The following SH2D3A variants were observed in gnomAD, a reference collection of about 807,000 sequenced individuals.
The protein encoded by SH2D3A is SH2 domain containing 3A, also known as SH2 domain-containing protein 3A.
A neutral mutation model predicts 50.6 loss-of-function variants in SH2D3A; 46 were observed. That is an observed-to-expected ratio of 0.91 (90% CI 0.72 to 1.16). The LOEUF is 1.16. Among genes scored for constraint, SH2D3A ranks in the 50% most tolerant of loss-of-function variants. The pLI is 0.00. For synonymous variants in SH2D3A, 377 were observed against 348.4 expected (o/e 1.08, Z -0.91); for missense variants, 783 against 786.2 (o/e 1.00, Z 0.05).
In SH2D3A at chr19:6,760,928, A is replaced by G. The variant is rs755569404; in HGVS notation, c.129T>C (p.Arg43=). ...GGCAGGAGATCACGGGGTTGCCCCC[A>G]CGGGACCCAGAGGCGCGAACCAGGA... ...GDFLVRASGS[R]GGNPVISCRW... is the part of the protein sequence containing the mutation. Residue 43 remains arginine (R), a synonymous_variant, in exon 3 of 10, where the codon CGT becomes CGC. Coordinates refer to ENST00000245908, the MANE Select transcript of SH2D3A (RefSeq NM_005490.3). 1.9e-6 allele frequency: 3 copies of G among 1,613,894 alleles called. No homozygotes were observed. Among genetic ancestry groups the G allele is most frequent in the Non-Finnish European group, 2.5e-6 (3 of 1,179,968 alleles).
At chr19:6,753,759 G>A (rs1188701140) in intron 8 of SH2D3A, 118 bp from the exon 9 acceptor site, 1 of 1,140,986 alleles carries the variant, frequency 8.8e-7, no homozygotes. Flanking sequence ...GGGGTCTGTG[G>A]AGAGGGGCCA....
Position 6,755,318 on chromosome 19 carries a change from A to G in SH2D3A, c.497-3T>C. 1 of 1,504,910 alleles carries G rather than the reference A, an allele frequency of 6.6e-7. No individual in the cohort carries two copies. The highest frequency in any genetic ancestry group is 8.9e-7 in the Non-Finnish European group (1 of 1,126,220). The allele number at this position is 1,504,910 out of a possible 1,614,324, so 93.2% of individuals were successfully genotyped here. A position where few individuals can be genotyped will look rare whatever the true frequency, so the allele number is the denominator to read the frequency against. On this transcript the variant is annotated splice_region_variant and splice_polypyrimidine_tract_variant and intron_variant, in intron 4 of 9. Coordinates refer to ENST00000245908, the MANE Select transcript of SH2D3A (RefSeq NM_005490.3). Reference sequence around the variant, plus strand: ...AGATATGGGCATGGTGGAGGCTTCTAGAGGTCATACAAGAGGGGTCAATGG... The same window carrying G: ...AGATATGGGCATGGTGGAGGCTTCTGGAGGTCATACAAGAGGGGTCAATGG...
chr19:6,755,243 G>A lies in SH2D3A; in HGVS notation c.569C>T (p.Pro190Leu). 1 of 1,533,134 alleles carries A rather than the reference G, an allele frequency of 6.5e-7. No homozygotes were observed. Among genetic ancestry groups the A allele is most frequent in the Non-Finnish European group, 8.8e-7 (1 of 1,140,348 alleles). 95.0% of individuals were successfully genotyped at this position (1,533,134 alleles called of 1,614,324 possible). Residue 190 changes from proline (P) to leucine (L), a missense_variant, in exon 5 of 10, where the codon CCC becomes CTC. Physicochemically the swap from Pro to Leu is moderately conservative, Grantham distance 98. Transcript: ENST00000245908. Reference sequence around the variant, plus strand: ...GAGACTGTCGGCAACAGTTCCCAGGGGAGCAGGGGCCTTCAGCAACACCGG... The same window carrying A: ...GAGACTGTCGGCAACAGTTCCCAGGAGAGCAGGGGCCTTCAGCAACACCGG... Reference protein sequence around the residue: ...SDPVLLKAPAPLGTVADSLRA... With the variant: ...SDPVLLKAPALLGTVADSLRA...
Position 6,760,812 on chromosome 19 carries a change from T to C in SH2D3A, c.245A>G (p.Asp82Gly). The C allele has an allele frequency of 6.2e-7, 1 of 1,614,208 alleles. No individual in the cohort carries two copies. The highest frequency in any genetic ancestry group is 1.1e-5 in the South Asian group (1 of 91,086). Residue 82 changes from aspartate to glycine, a missense_variant, in exon 3 of 10, where the codon GAT becomes GGT. Asp to Gly is a moderately conservative substitution (Grantham distance 94, BLOSUM62 -1). Coordinates refer to ENST00000245908, the MANE Select transcript of SH2D3A (RefSeq NM_005490.3). ...GRPTALFQLE[D>G]EQFPSIPALV... is the part of the protein sequence containing the mutation. The stretch of plus-strand genomic sequence containing the variant: ...AGCCGGTATGCTGGGGAATTGCTCA[T>C]CCTCCAGTTGAAAGAGGGCTGTGGG...
chr19:6,760,845 G>C lies in SH2D3A; in HGVS notation c.212C>G (p.Pro71Arg). 1 of 1,614,238 alleles carries C rather than the reference G, an allele frequency of 6.2e-7. No individual in the cohort carries two copies. The highest frequency in any genetic ancestry group is 8.5e-7 in the Non-Finnish European group (1 of 1,180,044). Residue 71 changes from proline (P) to arginine (R), a missense_variant, in exon 3 of 10, where the codon CCA (proline) becomes CGA (arginine). Transcript: ENST00000245908. Reference sequence around the variant, plus strand: ...TTGAAAGAGGGCTGTGGGTCGGCCTGGCCGGGGACGCAGGGCCACACGGAA... The same window carrying C: ...TTGAAAGAGGGCTGTGGGTCGGCCTCGCCGGGGACGCAGGGCCACACGGAA... Reference protein sequence around the residue: ...EVFRVALRPRPGRPTALFQLE... With the variant: ...EVFRVALRPRRGRPTALFQLE...
chr19:6,755,434 T>C, intron 4 of SH2D3A, 119 bp from the exon 5 acceptor site: 1 of 615,574 alleles, frequency 1.6e-6, no homozygotes, highest in East Asian at 2.9e-5. Flanking sequence ...AATAATGGGG[T>C]ATAACAACCT....
At chr19:6,762,611 A>G (rs1970088655) in intron 2 of SH2D3A, among the ~76,000 whole-genome samples, 1 of 148,168 alleles carries the variant, frequency 6.7e-6, no homozygotes, top group Non-Finnish European at 1.5e-5. Flanking sequence ...GGCTTAAGCA[A>G]TCCTCCCATC....
At chr19:6,756,875 CCTTT>C (rs1969711967) in intron 4 of SH2D3A, among the ~76,000 whole-genome samples, 1 of 151,900 alleles carries the variant, frequency 6.6e-6, no homozygotes, top group Non-Finnish European at 1.5e-5. Flanking sequence ...TTCCTTCCTT[CCTTT>C]CTTTTCTTTC....
chr19:6,753,041 G>A, intron 9 of SH2D3A: 5 of 985,356 alleles, frequency 5.1e-6, no homozygotes, highest in South Asian at 4.7e-5. Flanking sequence ...TGGACGTGGG[G>A]CTGCCCCGAG....
chr19:6,754,326 C>A lies in SH2D3A; in HGVS notation c.1197G>T (p.Ala399=), dbSNP rs1486395233. The change falls in exon 7 of 10, where the codon GCG becomes GCT. Residue 399 remains alanine (A), a synonymous_variant. Transcript: ENST00000245908. Reference sequence around the variant, plus strand: ...CCGCCGCCCCTGGCCGCAGCGCCAGCGCCAGCTCTACCAGTCCCCTCAGTG... The same window carrying A: ...CCGCCGCCCCTGGCCGCAGCGCCAGAGCCAGCTCTACCAGTCCCCTCAGTG... ...AAALRGLVEL[A]LALRPGAAGD... 1 of 1,572,496 alleles carries A rather than the reference C, an allele frequency of 6.4e-7. No homozygotes were observed. Among genetic ancestry groups the A allele is most frequent in the Non-Finnish European group, 8.6e-7 (1 of 1,165,638 alleles).
rs1969543463 is a variant in SH2D3A at position 6,754,672 on chromosome 19, G to A, written c.1041C>T (p.Gly347=). ...CATGGGGAAGAGTGAGCAGCTCCAG[G>A]CCAGATGAGACTCCCATGTTGCCCC... ...DQRGNMGVSS[G]LELLTLPHGH... is the part of the protein sequence containing the mutation. Residue 347 remains glycine (G), a synonymous_variant, in exon 6 of 10, where the codon GGC becomes GGT. Transcript: ENST00000245908. The A allele has an allele frequency of 6.2e-7, 1 of 1,614,188 alleles. No homozygotes were observed. Among genetic ancestry groups the A allele is most frequent in the Non-Finnish European group, 8.5e-7 (1 of 1,180,026 alleles).
intron 1 of SH2D3A, among the ~76,000 whole-genome samples, chr19:6,764,721 T>C (rs1970210419): frequency 6.6e-6 from 1 of 151,938 alleles, no homozygotes; most frequent in Non-Finnish European, 1.5e-5. Flanking sequence ...CTCTTTTTTT[T>C]TTGAGACAGA....
At chr19:6,758,447 T>G (rs1002915507) in intron 4 of SH2D3A, 1 of 150,926 alleles carries the variant, frequency 6.6e-6, no homozygotes, top group Non-Finnish European at 1.5e-5. Flanking sequence ...GGATTACAGG[T>G]GTGTACCACC....
intron 2 of SH2D3A, among the ~76,000 whole-genome samples, chr19:6,761,965 C>CAAAAAAA (rs759411762): frequency 9.8e-6 from 1 of 101,606 alleles, no homozygotes; most frequent in African/African-American, 4.0e-5. Context: ...AAAAAAAAAA[C>CAAAAAAA]AAAAAAAAAA....
intron 3 of SH2D3A, 147 bp from the exon 4 acceptor site, chr19:6,759,817 G>T: frequency 1.5e-6 from 1 of 686,474 alleles, no homozygotes; most frequent in Non-Finnish European, 2.5e-6. Context: ...TTAGCAACGT[G>T]TGGAGACATC....
chr19:6,765,093 C>A (rs151067409), intron 1 of SH2D3A, among the ~76,000 whole-genome samples: 1,547 of 151,924 alleles, frequency 0.01, 27 homozygotes, highest in African/African-American at 0.033. Context: ...GTTGGCCAGG[C>A]TGGTCTCGAA....
intron 9 of SH2D3A, 157 bp downstream of exon 9, chr19:6,753,299 G>T (rs947676196): frequency 1.0e-6 from 1 of 985,424 alleles, no homozygotes; most frequent in Non-Finnish European, 1.2e-6. Context: ...TTTGCTTGGG[G>T]TGAGAACCTT....
In SH2D3A at chr19:6,754,338, C is replaced by G; in HGVS notation, c.1185G>C (p.Leu395=). 6.3e-7 allele frequency: 1 copy of G among 1,575,366 alleles called. No homozygotes were observed. Among genetic ancestry groups the G allele is most frequent in the Non-Finnish European group, 8.6e-7 (1 of 1,167,224 alleles). ...GCCGCAGCGCCAGCGCCAGCTCTAC[C>G]AGTCCCCTCAGTGCGGCTGCGCGCT... The part of the protein sequence containing the change: ...LEERAAALRG[L]VELALALRPG... Residue 395 remains leucine (L), a synonymous_variant, in exon 7 of 10, where the codon CTG becomes CTC. Coordinates refer to ENST00000245908, the MANE Select transcript of SH2D3A (RefSeq NM_005490.3).
In SH2D3A at chr19:6,752,683, G is replaced by C. The variant is rs759644505; in HGVS notation, c.1641C>G (p.Ser547Arg). The C allele has an allele frequency of 1.2e-5, 19 of 1,552,696 alleles. No homozygotes were observed. The highest frequency in any genetic ancestry group is 1.4e-5 in the Non-Finnish European group (16 of 1,148,102). The change falls in exon 10 of 10, where the codon AGC (serine) becomes AGG (arginine). Residue 547 changes from serine to arginine, a missense_variant. Ser to Arg is a moderately radical substitution (Grantham distance 110, BLOSUM62 -1). Transcript: ENST00000245908. ...TGFVRRLLWG[S>R]RGAGAPRAER... is the part of the protein sequence containing the mutation. ...CAGCGCGCGGAGCTCCCGCGCCCCG[G>C]CTACCCCAGAGCAGCCTCCGCACGA...
Sources: allele counts gnomAD v4.1 joint callset (sites outside exome capture counted in the v4.1 genomes callset), GRCh38; gene constraint gnomAD v4.1.1; transcripts MANE v1.5; gene names NCBI Gene and HGNC (gene_info 2026-07-23, HGNC 2026-07-21).